Variants in ATP8A2 observed in about 807,000 individuals in gnomAD.
The protein encoded by ATP8A2 is ATPase phospholipid transporting 8A2.
ATP8A2 carries 100 observed loss-of-function variants against 165.6 expected under a neutral mutation model. The ratio of observed to expected loss-of-function variants is 0.60; its 90% CI spans 0.51 to 0.71. The LOEUF (loss-of-function observed/expected upper bound fraction) is 0.71. Ranked by LOEUF, ATP8A2 falls within the 30% of genes least tolerant of loss-of-function variation. ATP8A2 has a pLI of 0.00. For synonymous variants in ATP8A2, 543 were observed against 548.8 expected (o/e 0.99, Z 0.15); for missense variants, 1,227 against 1,479.5 (o/e 0.83, Z 2.80).
intron 5 of ATP8A2, 151 bp from the exon 6 acceptor site, chr13:25,533,122 A>G (rs1312770033): frequency 1.6e-6 from 1 of 619,340 alleles, no homozygotes; most frequent in Admixed American, 2.9e-5. Flanking sequence ...TTCCATTTTG[A>G]GGGTGGGGGT....
At chr13:25,577,374 CAG>C (rs2039648339) in intron 20 of ATP8A2, among the ~76,000 whole-genome samples, 1 of 152,204 alleles carries the variant, frequency 6.6e-6, no homozygotes, top group Non-Finnish European at 1.5e-5. Context: ...GTTTCAGAAA[CAG>C]TGACTCCACG....
chr13:25,983,122 G>A (rs572536645), intron 35 of ATP8A2, among the ~76,000 whole-genome samples: 2 of 152,272 alleles, frequency 1.3e-5, no homozygotes, highest in South Asian at 2.1e-4. Context: ...GACATCATTA[G>A]CAATGTTTTG....
At chr13:25,883,364 A>T (rs1953042227) in intron 33 of ATP8A2, among the ~76,000 whole-genome samples, 1 of 152,176 alleles carries the variant, frequency 6.6e-6, no homozygotes, top group Non-Finnish European at 1.5e-5. Flanking sequence ...GGTTGCACTG[A>T]ACTGAAATTG....
At chr13:25,815,188 A>G (rs1950980724) in intron 27 of ATP8A2, among the ~76,000 whole-genome samples, 2 of 152,200 alleles carry the variant, frequency 1.3e-5, no homozygotes, top group Admixed American at 1.3e-4. Context: ...AACACCAAAA[A>G]ATAGACAAAT....
chr13:25,402,478 G>A (rs910976557), intron 1 of ATP8A2, among the ~76,000 whole-genome samples: 6 of 152,268 alleles, frequency 3.9e-5, no homozygotes, highest in East Asian at 1.9e-4. Flanking sequence ...AAATAGCATC[G>A]TTTCTTTTCT....
intron 24 of ATP8A2, chr13:25,591,133 ATGTGTGTGTG>A (rs59431385): frequency 3.7e-5 from 11 of 297,562 alleles, no homozygotes; most frequent in African/African-American, 1.4e-4. Context: ...TGGAAATACT[ATGTGTGTGTG>A]TGTGTGTGTG....
intron 1 of ATP8A2, among the ~76,000 whole-genome samples, chr13:25,446,551 G>GTT (rs35872594): frequency 1.3e-5 from 2 of 152,016 alleles, no homozygotes; most frequent in South Asian, 2.1e-4. Context: ...AGTACATTGA[G>GTT]TTTTTTGTTC....
At chr13:25,681,928 T>C (rs978073042) in intron 24 of ATP8A2, among the ~76,000 whole-genome samples, 10 of 152,180 alleles carry the variant, frequency 6.6e-5, no homozygotes, top group South Asian at 4.1e-4. Flanking sequence ...TGGTTTGCCC[T>C]GTAACTGACA....
rs948471496 is a variant in ATP8A2, at chr13:25,496,033, A to T, written c.221+26912A>T. Among the ~76,000 whole-genome samples the T allele has an allele frequency of 9.2e-5, 14 of 152,120 alleles. No individual in the cohort carries two copies. The South Asian group carries it at 2.3e-3, about 25-fold the overall frequency. On this transcript the variant is annotated intron_variant, in intron 2 of 36. Transcript: ENST00000381655. ...TTCAGGCTGTATGCTCCAACACTAG[A>T]TGTTCCCCGTGAAACACCCGAGGGT...
intron 1 of ATP8A2, among the ~76,000 whole-genome samples, chr13:25,375,100 G>T (rs2032570305): frequency 6.6e-6 from 1 of 152,184 alleles, no homozygotes; most frequent in Non-Finnish European, 1.5e-5. Flanking sequence ...TTTACCAAAT[G>T]ATGAAAATCC....
At chr13:25,532,686 G>C (rs2137931490) in intron 5 of ATP8A2, among the ~76,000 whole-genome samples, 1 of 151,824 alleles carries the variant, frequency 6.6e-6, no homozygotes, top group East Asian at 1.9e-4. Flanking sequence ...CATTTTTTGA[G>C]ACAGGGTCTC....
chr13:25,573,673 A>G lies in ATP8A2; in HGVS notation c.1663-1135A>G, dbSNP rs9507529. 4.2e-3 allele frequency among the ~76,000 whole-genome samples: 632 copies of G among 152,162 alleles called. 3 individuals carry two copies. Among genetic ancestry groups the G allele is most frequent in the Non-Finnish European group, 6.2e-3 (421 of 67,992 alleles). ...GACGTGGTTGATATAACTGTGAGAG[A>G]GGGGGTGGCTCCTGGGAGTGGCAGC... is the stretch of plus-strand genomic sequence containing the variant. On this transcript the variant is annotated intron_variant, in intron 18 of 36. Transcript: ENST00000381655.
chr13:25,931,129 G>C (rs1480334635), intron 33 of ATP8A2, among the ~76,000 whole-genome samples: 1 of 152,210 alleles, frequency 6.6e-6, no homozygotes, highest in Non-Finnish European at 1.5e-5. Flanking sequence ...TCTGAGACCT[G>C]ACAGGACGCC....
chr13:25,388,409 G>A (rs555040411), intron 1 of ATP8A2, among the ~76,000 whole-genome samples: 1 of 152,254 alleles, frequency 6.6e-6, no homozygotes, highest in South Asian at 2.1e-4. Flanking sequence ...CAAGACTCAC[G>A]TCTCTAACAA....
intron 24 of ATP8A2, among the ~76,000 whole-genome samples, chr13:25,630,360 G>C (rs149092895): frequency 1.3e-5 from 2 of 152,162 alleles, no homozygotes; most frequent in Non-Finnish European, 2.9e-5. Flanking sequence ...AAGTGGCAGC[G>C]TTGATCTCCA....
At chr13:26,016,488 G>A (rs552413066) in intron 36 of ATP8A2, among the ~76,000 whole-genome samples, 8 of 152,270 alleles carry the variant, frequency 5.3e-5, no homozygotes, top group Admixed American at 2.0e-4. Context: ...AGAAACCCCC[G>A]GAGTTGGGTT....
intron 27 of ATP8A2, among the ~76,000 whole-genome samples, chr13:25,811,830 C>A (rs1272086303): frequency 1.3e-5 from 2 of 152,148 alleles, no homozygotes; most frequent in African/African-American, 4.8e-5. Flanking sequence ...CACTGCACTC[C>A]AGCCTGGGTG....
chr13:25,420,158 G>A (rs2034258224), intron 1 of ATP8A2, among the ~76,000 whole-genome samples: 1 of 152,202 alleles, frequency 6.6e-6, no homozygotes, highest in African/African-American at 2.4e-5. Context: ...TTGAAAGATA[G>A]GGAGAGGGCC....
At chr13:25,436,763 A>G (rs186565364) in intron 1 of ATP8A2, among the ~76,000 whole-genome samples, 272 of 150,098 alleles carry the variant, frequency 1.8e-3, no homozygotes, top group African/African-American at 5.1e-3. Context: ...AGCCTTGCCA[A>G]CATCTGTTGT....
Sources: allele counts gnomAD v4.1 joint callset (sites outside exome capture counted in the v4.1 genomes callset), GRCh38; gene constraint gnomAD v4.1.1; transcripts MANE v1.5; gene names NCBI Gene and HGNC (gene_info 2026-07-23, HGNC 2026-07-21).